Variants in DHRS7B observed in about 807,000 individuals in gnomAD.
The protein encoded by DHRS7B is peroxisomal reductase activating PPAR-gamma.
Under a neutral mutation model 26.4 loss-of-function variants are expected in DHRS7B, and 24 were observed. That is an observed-to-expected ratio of 0.91 (90% CI 0.66 to 1.28). DHRS7B has a LOEUF of 1.28. Among genes scored for constraint, DHRS7B ranks in the 50% most tolerant of loss-of-function variants. The pLI is 0.00. For missense variants in DHRS7B, 368 were observed against 419.4 expected (o/e 0.88, Z 1.07); for synonymous variants, 142 against 166.4 (o/e 0.85, Z 1.13).
chr17:21,137,778 T>G (rs1300255386), intron 1 of DHRS7B, among the ~76,000 whole-genome samples: 1 of 151,706 alleles, frequency 6.6e-6, no homozygotes, highest in East Asian at 1.9e-4. Context: ...TTTTGTATTT[T>G]TAGTAGAGAC....
chr17:21,138,091 T>TACACACACACACAC (rs1207234984), intron 1 of DHRS7B, among the ~76,000 whole-genome samples: 46 of 53,366 alleles, frequency 8.6e-4, no homozygotes, highest in African/African-American at 3.3e-3. Flanking sequence ...TATATATATA[T>TACACACACACACAC]ATATATATAT....
At chr17:21,165,045 A>C (rs1384293641) in intron 1 of DHRS7B, among the ~76,000 whole-genome samples, 1 of 152,206 alleles carries the variant, frequency 6.6e-6, no homozygotes, top group Non-Finnish European at 1.5e-5. Context: ...CAAGATTTTC[A>C]TATTTACAAA....
At chr17:21,179,762 C>CTTTTTTTTTTTTTTT (rs55928399) in intron 3 of DHRS7B, among the ~76,000 whole-genome samples, 1 of 137,606 alleles carries the variant, frequency 7.3e-6, no homozygotes. Context: ...TTTTCACTTT[C>CTTTTTTTTTTTTTTT]TTTTTTTTTT....
At chr17:21,167,266 G>A (rs1048568342) in intron 1 of DHRS7B, among the ~76,000 whole-genome samples, 1 of 152,142 alleles carries the variant, frequency 6.6e-6, no homozygotes, top group African/African-American at 2.4e-5. Flanking sequence ...TAAAGGAGCA[G>A]CAGAATCACA....
chr17:21,168,975 G>C (rs368031171), intron 1 of DHRS7B: 2 of 941,718 alleles, frequency 2.1e-6, no homozygotes, highest in African/African-American at 3.5e-5. Context: ...CAATTTGTTG[G>C]GAACTTTAAT....
chr17:21,136,579 C>G (rs1204799869), intron 1 of DHRS7B, among the ~76,000 whole-genome samples: 2 of 151,628 alleles, frequency 1.3e-5, no homozygotes, highest in Non-Finnish European at 1.5e-5. Context: ...TGAGATGGAG[C>G]CTTGCTCTGT....
At chr17:21,176,650 C>G (rs1029928758) in intron 2 of DHRS7B, among the ~76,000 whole-genome samples, 1 of 151,808 alleles carries the variant, frequency 6.6e-6, no homozygotes, top group Non-Finnish European at 1.5e-5. Context: ...CAATTGACAC[C>G]GCTGTAGTGC....
intron 1 of DHRS7B, among the ~76,000 whole-genome samples, chr17:21,133,713 A>T (rs1973286800): frequency 6.6e-6 from 1 of 152,218 alleles, no homozygotes; most frequent in Admixed American, 6.5e-5. Flanking sequence ...TCTCATGGTT[A>T]GGATGGTTTA....
rs950468338 is a variant in DHRS7B, at chr17:21,191,314, C to A, written c.*161C>A. ...TGCAGATCTGCTGGCAGAGGACAAT[C>A]AAAAACGACAACAAGCTTCTTCCCA... On this transcript the variant is annotated 3_prime_UTR_variant, in exon 7 of 7. Coordinates refer to ENST00000395511, the MANE Select transcript of DHRS7B (RefSeq NM_015510.5). The A allele has an allele frequency of 2.5e-5, 17 of 684,906 alleles. No homozygotes were observed. The highest frequency in any genetic ancestry group is 2.8e-5 in the East Asian group (1 of 36,138). The allele number at this position is 684,906 out of a possible 1,614,324, so 42.4% of individuals were successfully genotyped here.
In DHRS7B at chr17:21,150,118, A is replaced by C. The variant is rs796857230; in HGVS notation, c.21-21900A>C. Among the ~76,000 whole-genome samples, 237 of 134,726 alleles carry C rather than the reference A, an allele frequency of 1.8e-3. 1 individual carries two copies. The highest frequency in any genetic ancestry group is 3.1e-3 in the African/African-American group (112 of 36,548). The allele number at this position is 134,726 out of a possible 152,430, so 88.4% of individuals were successfully genotyped here. A position where few individuals can be genotyped will look rare whatever the true frequency, so the allele number is the denominator to read the frequency against. On this transcript the variant is annotated intron_variant, in intron 1 of 6. Coordinates refer to ENST00000395511, the MANE Select transcript of DHRS7B (RefSeq NM_015510.5). ...TCCATCTCTATTTAAAAAAAAAAAA[A>C]AAAAAAAAAAAAAACTAAGGCATAG...
intron 3 of DHRS7B, among the ~76,000 whole-genome samples, chr17:21,182,510 A>G (rs1180393169): frequency 2.0e-5 from 3 of 151,974 alleles, no homozygotes; most frequent in Admixed American, 1.3e-4. Flanking sequence ...CGGCCTCCCA[A>G]AGTGCTAGGA....
At chr17:21,178,934 T>G (rs575692951) in intron 3 of DHRS7B, among the ~76,000 whole-genome samples, 2 of 152,236 alleles carry the variant, frequency 1.3e-5, no homozygotes, top group African/African-American at 4.8e-5. Context: ...ATTACAGGCG[T>G]GAGCCACCAG....
chr17:21,173,166 C>T (rs931372879), intron 2 of DHRS7B, among the ~76,000 whole-genome samples: 3 of 152,188 alleles, frequency 2.0e-5, no homozygotes, highest in African/African-American at 4.8e-5. Flanking sequence ...AGGTCACGGT[C>T]GTCTGTTGTA....
intron 5 of DHRS7B, among the ~76,000 whole-genome samples, chr17:21,186,191 T>C (rs879003524): frequency 1.3e-5 from 2 of 152,178 alleles, no homozygotes; most frequent in Admixed American, 1.3e-4. Context: ...ACCTATAAAA[T>C]GAGGAGAACG....
chr17:21,183,555 C>CA, intron 3 of DHRS7B, 39 bp from the exon 4 acceptor site: 1 of 1,592,980 alleles, frequency 6.3e-7, no homozygotes. Context: ...GATGGCCTGC[C>CA]ACTCAGAAAG....
chr17:21,166,708 A>C (rs1974122182), intron 1 of DHRS7B, among the ~76,000 whole-genome samples: 1 of 152,166 alleles, frequency 6.6e-6, no homozygotes, highest in African/African-American at 2.4e-5. Context: ...GAGTACGTGT[A>C]GGTTTGTGGG....
chr17:21,174,469 A>G (rs537931973), intron 2 of DHRS7B, among the ~76,000 whole-genome samples: 1 of 152,296 alleles, frequency 6.6e-6, no homozygotes, highest in Admixed American at 6.5e-5. Flanking sequence ...GCAGCCCTTC[A>G]TATATCGTAC....
chr17:21,158,697 T>C (rs1205876306), intron 1 of DHRS7B, among the ~76,000 whole-genome samples: 1 of 152,178 alleles, frequency 6.6e-6, no homozygotes, highest in Non-Finnish European at 1.5e-5. Context: ...AAACTGATTA[T>C]AAAGTTTATG....
At chr17:21,184,548 A>G (rs754359691) in intron 5 of DHRS7B, 85 bp downstream of exon 5, 247 of 1,329,330 alleles carry the variant, frequency 1.9e-4, no homozygotes, top group Non-Finnish European at 2.5e-4. Context: ...TCTAGAATTT[A>G]GACATTGTAG....
Sources: allele counts gnomAD v4.1 joint callset (sites outside exome capture counted in the v4.1 genomes callset), GRCh38; gene constraint gnomAD v4.1.1; transcripts MANE v1.5; gene names NCBI Gene and HGNC (gene_info 2026-07-23, HGNC 2026-07-21).